The following EIF4G3 variants were observed in gnomAD, a reference collection of about 807,000 sequenced individuals.
EIF4G3 encodes the protein eukaryotic translation initiation factor 4 gamma 3, also known as eIF-4-gamma 3.
Under a neutral mutation model 186.4 loss-of-function variants are expected in EIF4G3, and 34 were observed. The ratio of observed to expected loss-of-function variants is 0.18; its 90% CI spans 0.14 to 0.24. The LOEUF (loss-of-function observed/expected upper bound fraction) is 0.24, where lower values mean the gene tolerates loss of function less well. EIF4G3 is among the 10% of genes least tolerant of loss of function. EIF4G3 has a pLI of 1.00. For missense variants in EIF4G3, 1,536 were observed against 1,948.5 expected (o/e 0.79, Z 3.99); for synonymous variants, 673 against 679.5 (o/e 0.99, Z 0.15).
At chr1:21,013,882 G>A (rs768799096) in intron 4 of EIF4G3, among the ~76,000 whole-genome samples, 2 of 152,060 alleles carry the variant, frequency 1.3e-5, no homozygotes, top group Non-Finnish European at 2.9e-5. Context: ...ATAAAGTATA[G>A]AAATAGGCTG....
At chr1:20,971,138 T>C (rs2075812363) in intron 11 of EIF4G3, among the ~76,000 whole-genome samples, 2 of 152,212 alleles carry the variant, frequency 1.3e-5, no homozygotes, top group African/African-American at 4.8e-5. Flanking sequence ...AGGAGGTAAG[T>C]GTCTGCGACT....
intron 18 of EIF4G3, among the ~76,000 whole-genome samples, chr1:20,891,789 CAA>C (rs59789920): frequency 1.9e-4 from 19 of 99,842 alleles, no homozygotes; most frequent in Admixed American, 2.1e-4. Flanking sequence ...CACTCTGTCT[CAA>C]AAAAAAAAAA....
chr1:21,176,693 G>A, intron 1 of EIF4G3, 29 bp downstream of exon 1: 1 of 619,442 alleles, frequency 1.6e-6, no homozygotes, highest in South Asian at 1.6e-5. Flanking sequence ...GGCCGGACCC[G>A]GCGGGGGCAG....
intron 13 of EIF4G3, among the ~76,000 whole-genome samples, chr1:20,947,664 G>C (rs2096026211): frequency 6.6e-6 from 1 of 152,248 alleles, no homozygotes; most frequent in East Asian, 1.9e-4. Context: ...TAGTTTTCTG[G>C]TGAATAGTTG....
intron 26 of EIF4G3, 51 bp downstream of exon 26, chr1:20,854,927 G>C (rs1281856095): frequency 2.0e-6 from 3 of 1,490,276 alleles, no homozygotes; most frequent in Non-Finnish European, 2.8e-6. Context: ...GCGCTGTAAG[G>C]CAAATGCTAA....
chr1:21,093,490 T>C (rs1292143048), intron 2 of EIF4G3, among the ~76,000 whole-genome samples: 1 of 135,296 alleles, frequency 7.4e-6, no homozygotes, highest in Non-Finnish European at 1.8e-5. Flanking sequence ...GGAACACTTT[T>C]ACACTGTTGG....
chr1:20,840,990 G>A lies in EIF4G3; in HGVS notation c.3927C>T (p.Gly1309=). Residue 1309 remains glycine (G), a synonymous_variant, in exon 30 of 37, where the codon GGC becomes GGT. Transcript: ENST00000602326. The part of the protein sequence containing the change: ...MQCVEELNAQ[G]LLHVFVRVGV... ...CCACTCTCACAAAAACATGTAGTAG[G>A]CCCTGGGCATTCAGCTCTTCCACAC... 1.2e-6 allele frequency: 2 copies of A among 1,614,084 alleles called. No homozygotes were observed. The highest frequency in any genetic ancestry group is 1.7e-6 in the Non-Finnish European group (2 of 1,180,024).
At chr1:21,087,360 C>A (rs979575800) in intron 3 of EIF4G3, among the ~76,000 whole-genome samples, 2 of 152,270 alleles carry the variant, frequency 1.3e-5, no homozygotes, top group South Asian at 4.1e-4. Context: ...TGGTGGCTCA[C>A]GCCTGTAATC....
At chr1:20,814,689 T>C (rs1246857892) in intron 34 of EIF4G3, among the ~76,000 whole-genome samples, 1 of 146,394 alleles carries the variant, frequency 6.8e-6, no homozygotes, top group Non-Finnish European at 1.5e-5. Context: ...TGTTACTCTT[T>C]TCTAAGGAAG....
At chr1:21,084,498 T>TC (rs967463799) in intron 3 of EIF4G3, among the ~76,000 whole-genome samples, 48 of 152,052 alleles carry the variant, frequency 3.2e-4, no homozygotes, top group African/African-American at 1.2e-3. Flanking sequence ...ACCAGGTCCC[T>TC]CCCCTGACTT....
At chr1:21,060,741 G>A (rs1351116942) in intron 3 of EIF4G3, among the ~76,000 whole-genome samples, 1 of 140,164 alleles carries the variant, frequency 7.1e-6, no homozygotes, top group African/African-American at 2.7e-5. Context: ...AAAAGCCACT[G>A]CATCACAGCC....
At chr1:21,125,976 G>T (rs1282890829) in intron 2 of EIF4G3, among the ~76,000 whole-genome samples, 1 of 151,484 alleles carries the variant, frequency 6.6e-6, no homozygotes, top group African/African-American at 2.4e-5. Context: ...GGCCAAGGAG[G>T]GAGGATCACT....
intron 2 of EIF4G3, 118 bp downstream of exon 2, chr1:21,176,057 C>T: frequency 3.9e-6 from 1 of 257,438 alleles, no homozygotes. Context: ...GGGGCTTGAG[C>T]CGCTGTCCCT....
intron 2 of EIF4G3, among the ~76,000 whole-genome samples, chr1:21,127,233 C>A (rs2097062750): frequency 6.6e-6 from 1 of 152,134 alleles, no homozygotes. Flanking sequence ...CACCAATCCT[C>A]CCCAAAGTGC....
Position 20,893,537 on chromosome 1 carries a change from G to A in EIF4G3, c.2233C>T (p.Pro745Ser), listed in dbSNP as rs769964659. The change falls in exon 18 of 37, where the codon CCT becomes TCT. Residue 745 changes from proline (P) to serine (S), a missense_variant. Physicochemically the swap from Pro to Ser is moderately conservative, Grantham distance 74. Coordinates refer to ENST00000602326, the MANE Select transcript of EIF4G3 (RefSeq NM_001391906.1). ...PAFADFGRQT[P>S]GGRGVPLLNV... ...CTTACAGGTACGCCTCTTCCACCAG[G>A]TGTCTGCCTTCCAAAATCAGCAAAG... 47 of 1,602,726 alleles carry A rather than the reference G, an allele frequency of 2.9e-5. No individual in the cohort carries two copies. The highest frequency in any genetic ancestry group is 3.1e-5 in the Non-Finnish European group (36 of 1,171,680).
At chr1:20,980,301 A>G in intron 10 of EIF4G3, 33 bp downstream of exon 10, 1 of 1,453,564 alleles carries the variant, frequency 6.9e-7, no homozygotes, top group Non-Finnish European at 9.2e-7. Context: ...AACACAAAAA[A>G]CTAGCAGAAA....
rs1000987345 is a variant in EIF4G3, at chr1:20,810,660, C to T, written c.4744+78G>A. 4.7e-6 allele frequency: 7 copies of T among 1,496,780 alleles called. No homozygotes were observed. The African/African-American group carries it at 6.9e-5, about 15-fold the overall frequency. 92.7% of individuals were successfully genotyped at this position (1,496,780 alleles called of 1,614,324 possible). On this transcript the variant is annotated intron_variant, in intron 36 of 36. Coordinates refer to ENST00000602326, the MANE Select transcript of EIF4G3 (RefSeq NM_001391906.1). This position sits in a 1 kb window ranked among gnomAD's most constrained non-coding sequence, Gnocchi z 4.1. Reference sequence around the variant, plus strand: ...ATTCTTTTATTGTCCTTTGTTCGAACCCTAAATCATCTCTAAGTCCTGGCT... The same window carrying T: ...ATTCTTTTATTGTCCTTTGTTCGAATCCTAAATCATCTCTAAGTCCTGGCT...
intron 18 of EIF4G3, 32 bp from the exon 19 acceptor site, chr1:20,886,403 A>T: frequency 6.2e-7 from 1 of 1,600,212 alleles, no homozygotes; most frequent in South Asian, 1.1e-5. Flanking sequence ...TATTCAGAGT[A>T]CTTACAATTT....
intron 8 of EIF4G3, among the ~76,000 whole-genome samples, chr1:20,981,650 T>C (rs1160498729): frequency 7.7e-6 from 1 of 129,678 alleles, no homozygotes; most frequent in Non-Finnish European, 1.7e-5. Context: ...ACTGTATGTA[T>C]ACATACATGT....
Sources: gnomAD v4.1 joint callset for allele counts (sites outside exome capture counted in the v4.1 genomes callset) on GRCh38, gnomAD v4.1.1 for gene constraint, Gnocchi (gnomAD v3.1) non-coding constraint, MANE v1.5 for transcripts, NCBI Gene and HGNC (gene_info 2026-07-23, HGNC 2026-07-21) for gene names.